Variants in PLEKHH2 observed in about 807,000 individuals in gnomAD.
PLEKHH2 encodes pleckstrin homology domain-containing family H member 2.
In PLEKHH2, 129 loss-of-function variants were observed where a neutral mutation model predicts 187.9. That is an observed-to-expected ratio of 0.69 (90% CI 0.59 to 0.79). PLEKHH2 has a LOEUF of 0.79. Among genes scored for constraint, PLEKHH2 ranks in the 30% least tolerant of loss-of-function variants. PLEKHH2 has a pLI of 0.00. For synonymous variants in PLEKHH2, 686 were observed against 605.6 expected (o/e 1.13, Z -1.95); for missense variants, 2,076 against 1,751.2 (o/e 1.19, Z -3.31).
In PLEKHH2 at chr2:43,758,584, A is replaced by G. The variant is rs531219898; in HGVS notation, c.3942-316A>G. Among the ~76,000 whole-genome samples the G allele has an allele frequency of 2.6e-5, 4 of 152,228 alleles. No homozygotes were observed. In the East Asian group the frequency reaches 5.8e-4, roughly 22 times the overall value. ...TTTCTTTTAAAATGAAAATATTCCC[A>G]TGAGAAATTATCTTTTAAACTAATT... On this transcript the variant is annotated intron_variant, in intron 26 of 29. Coordinates refer to ENST00000282406, the MANE Select transcript of PLEKHH2 (RefSeq NM_172069.4).
intron 2 of PLEKHH2, among the ~76,000 whole-genome samples, chr2:43,656,185 G>T (rs940667113): frequency 6.6e-6 from 1 of 152,108 alleles, no homozygotes; most frequent in Non-Finnish European, 1.5e-5. Context: ...TCGAACTCCT[G>T]ACCTCAAGTG....
In PLEKHH2 at chr2:43,755,395, T is replaced by G. The variant is rs186010774; in HGVS notation, c.3795+1635T>G. 2.3e-3 allele frequency among the ~76,000 whole-genome samples: 346 copies of G among 152,324 alleles called. 2 individuals are homozygous for G. The highest frequency in any genetic ancestry group is 8.1e-3 in the African/African-American group (335 of 41,570). ...TCTGTTCTCTCCTCTGTATGCTGAC[T>G]TCTGTTGCTAAGGTTCGGATCATTG... On this transcript the variant is annotated intron_variant, in intron 25 of 29. Transcript: ENST00000282406.
chr2:43,659,163 C>CTTTTTTTTTTTTTT lies in PLEKHH2; in HGVS notation c.123+14375_123+14376insTTTTTTTTTTTTTT, dbSNP rs888802992. ...AATTTTTGTATATATATATTTTTTT[C>CTTTTTTTTTTTTTT]TTTTTTTTGGTAGAAGCGAGGTTTT... On this transcript the variant is annotated intron_variant, in intron 2 of 29. Transcript: ENST00000282406. Among the ~76,000 whole-genome samples, 1,438 of 147,682 alleles carry CTTTTTTTTTTTTTT rather than the reference C, an allele frequency of 9.7e-3. 36 individuals carry two copies. The highest frequency in any genetic ancestry group is 0.036 in the African/African-American group (1,376 of 38,550).
chr2:43,712,674 G>C (rs1218419935), intron 15 of PLEKHH2, among the ~76,000 whole-genome samples: 1 of 152,038 alleles, frequency 6.6e-6, no homozygotes, highest in Non-Finnish European at 1.5e-5. Context: ...TGTGAAAACT[G>C]GTTAATATCA....
intron 2 of PLEKHH2, among the ~76,000 whole-genome samples, chr2:43,648,180 T>C (rs189889895): frequency 6.6e-6 from 1 of 151,968 alleles, no homozygotes; most frequent in African/African-American, 2.4e-5. Flanking sequence ...TTCTGGTTTT[T>C]TTTGTTTGTT....
intron 25 of PLEKHH2, 84 bp downstream of exon 25, chr2:43,753,844 T>A (rs959365954): frequency 8.8e-7 from 1 of 1,135,492 alleles, no homozygotes; most frequent in Non-Finnish European, 1.2e-6. Flanking sequence ...ATAATATACT[T>A]CAATAATTCT....
intron 7 of PLEKHH2, among the ~76,000 whole-genome samples, chr2:43,698,936 G>C (rs1669224400): frequency 6.6e-6 from 1 of 152,232 alleles, no homozygotes; most frequent in African/African-American, 2.4e-5. Flanking sequence ...AGCAAGGAAA[G>C]CTTTTCTGTG....
chr2:43,692,391 G>C (rs1668843467), intron 3 of PLEKHH2, 123 bp from the exon 4 acceptor site: 1 of 736,294 alleles, frequency 1.4e-6, no homozygotes, highest in East Asian at 2.8e-5. Context: ...AAACCTTGCT[G>C]TTTAATATTT....
chr2:43,658,973 CTTTTTTTTTTTTT>C (rs34486426), intron 2 of PLEKHH2: 3 of 122,806 alleles, frequency 2.4e-5, no homozygotes, highest in Non-Finnish European at 5.0e-5. Context: ...TTTTTTCTTT[CTTTTTTTTTTTTT>C]TTTTGAAACA....
Position 43,709,987 on chromosome 2 carries a change from T to G in PLEKHH2, c.1967-3T>G, listed in dbSNP as rs1306516892. 6.2e-7 allele frequency: 1 copy of G among 1,603,256 alleles called. No homozygotes were observed. Among genetic ancestry groups the G allele is most frequent in the East Asian group, 2.2e-5 (1 of 44,830 alleles). On this transcript the variant is annotated splice_region_variant and splice_polypyrimidine_tract_variant and intron_variant, in intron 11 of 29. Transcript: ENST00000282406. ...GACTTGATTTCTTTCTTTGTTCTCT[T>G]AGGTGTGTCTCTCTCCTCTGTGGCT...
Position 43,686,193 on chromosome 2 carries a change from T to TTTC in PLEKHH2, c.187-6306_187-6304dup, listed in dbSNP as rs1226989385. ...CTTCCTCTTCCTCTTCTTCTTCTTC[T>TTTC]TTCTTCTTCTTCTTCTTTTTTGAGA... is the stretch of plus-strand genomic sequence containing the variant. On this transcript the variant is annotated intron_variant, in intron 3 of 29. Coordinates refer to ENST00000282406, the MANE Select transcript of PLEKHH2 (RefSeq NM_172069.4). Among the ~76,000 whole-genome samples the TTTC allele has an allele frequency of 7.2e-5, 11 of 152,014 alleles. No homozygotes were observed. In the East Asian group the frequency reaches 2.1e-3, roughly 29 times the overall value.
intron 15 of PLEKHH2, among the ~76,000 whole-genome samples, chr2:43,716,835 T>G (rs1670235692): frequency 6.6e-6 from 1 of 152,244 alleles, no homozygotes; most frequent in South Asian, 2.1e-4. Context: ...CCCTCATATA[T>G]TCATCATCTA....
intron 5 of PLEKHH2, among the ~76,000 whole-genome samples, chr2:43,694,935 G>A (rs1008080106): frequency 1.3e-5 from 2 of 152,010 alleles, no homozygotes; most frequent in Non-Finnish European, 2.9e-5. Context: ...AAAACTCTTA[G>A]TTCTGAAAAA....
At chr2:43,702,158 G>T (rs889606415) in intron 8 of PLEKHH2, among the ~76,000 whole-genome samples, 1 of 152,196 alleles carries the variant, frequency 6.6e-6, no homozygotes, top group African/African-American at 2.4e-5. Context: ...TGGGTTGCAG[G>T]ACTCTTTTGG....
intron 16 of PLEKHH2, among the ~76,000 whole-genome samples, chr2:43,722,980 A>G (rs923174744): frequency 6.6e-6 from 1 of 152,134 alleles, no homozygotes; most frequent in Non-Finnish European, 1.5e-5. Context: ...TTTAATCTGT[A>G]TCAATGTCTT....
In PLEKHH2 at chr2:43,743,730, G is replaced by A. The variant is rs1229071520; in HGVS notation, c.3400-104G>A. The A allele has an allele frequency of 7.4e-6, 8 of 1,075,614 alleles. No individual in the cohort carries two copies. The African/African-American group carries it at 1.1e-4, about 15-fold the overall frequency. The allele number at this position is 1,075,614 out of a possible 1,614,324, so 66.6% of individuals were successfully genotyped here. ...AAAGTTGAAGCACCTAGAAAAATATGTTATCATTAATCATGCATCAAGTAT... is the reference window on the plus strand; with the variant it reads ...AAAGTTGAAGCACCTAGAAAAATATATTATCATTAATCATGCATCAAGTAT... On this transcript the variant is annotated intron_variant, in intron 22 of 29. Transcript: ENST00000282406.
rs1167078689 is a variant in PLEKHH2, at chr2:43,702,527, C to CTTTTTTTTTT, written c.1651-1441_1651-1432dup. Among the ~76,000 whole-genome samples the CTTTTTTTTTT allele has an allele frequency of 1.9e-3, 107 of 57,374 alleles. 4 individuals carry two copies. Among genetic ancestry groups the CTTTTTTTTTT allele is most frequent in the Admixed American group, 4.2e-3 (23 of 5,470 alleles). The allele number at this position is 57,374 out of a possible 152,430, so 37.6% of individuals were successfully genotyped here. On this transcript the variant is annotated intron_variant, in intron 8 of 29. Coordinates refer to ENST00000282406, the MANE Select transcript of PLEKHH2 (RefSeq NM_172069.4). The stretch of plus-strand genomic sequence containing the variant: ...TTTTATTTGGCAACCCATTCTACTA[C>CTTTTTTTTTT]TTTTTTTTTTTTTTTTTTTTTTCCA...
At chr2:43,674,934 G>A (rs975832615) in intron 2 of PLEKHH2, among the ~76,000 whole-genome samples, 2 of 149,888 alleles carry the variant, frequency 1.3e-5, no homozygotes, top group African/African-American at 2.5e-5. Context: ...GCAGTGAGCC[G>A]AAATTGTGCC....
At position 43,704,069 on chromosome 2, in the gene PLEKHH2, T is replaced by A; in HGVS notation, c.1726+13T>A. 6.4e-7 allele frequency: 1 copy of A among 1,553,320 alleles called. No homozygotes were observed. The highest frequency in any genetic ancestry group is 1.1e-5 in the South Asian group (1 of 88,952). On this transcript the variant is annotated intron_variant, in intron 9 of 29. Coordinates refer to ENST00000282406, the MANE Select transcript of PLEKHH2 (RefSeq NM_172069.4). Reference sequence around the variant, plus strand: ...AGTGTTAATAAAAGTAAGTGCTTTTTCATGCTGCCACCTGGATGAACCTTG... The same window carrying A: ...AGTGTTAATAAAAGTAAGTGCTTTTACATGCTGCCACCTGGATGAACCTTG...
Sources: gnomAD v4.1 joint callset for allele counts (sites outside exome capture counted in the v4.1 genomes callset) on GRCh38, gnomAD v4.1.1 for gene constraint, MANE v1.5 for transcripts, NCBI Gene and HGNC (gene_info 2026-07-23, HGNC 2026-07-21) for gene names.